Variants in OR2A25 observed in about 807,000 individuals in gnomAD.
OR2A25 encodes olfactory receptor 2A25.
For synonymous variants in OR2A25, 162 were observed against 148.1 expected, an observed-to-expected ratio of 1.09 and a Z score of -0.68; for missense variants, 362 against 368.3, an observed-to-expected ratio of 0.98 and a Z score of 0.14.
chr7:144,075,326 A>C lies in OR2A25; in HGVS notation c.*174A>C. The C allele has an allele frequency of 1.8e-6, 1 of 568,886 alleles. No individual in the cohort carries two copies. The highest frequency in any genetic ancestry group is 2.4e-5 in the South Asian group (1 of 41,282). The allele number at this position is 568,886 out of a possible 1,614,324, so 35.2% of individuals were successfully genotyped here. A position where few individuals can be genotyped will look rare whatever the true frequency, so the allele number is the denominator to read the frequency against. On this transcript the variant is annotated 3_prime_UTR_variant, in exon 2 of 2. Coordinates refer to ENST00000641663, the MANE Select transcript of OR2A25 (RefSeq NM_001386096.1). Reference sequence around the variant, plus strand: ...TCTGCTTTCCTCTCTCCAGCATTGAAGGTCGGAGCTGCACAATTAATAAAA... The same window carrying C: ...TCTGCTTTCCTCTCTCCAGCATTGACGGTCGGAGCTGCACAATTAATAAAA...
chr7:144,075,369 G>C lies in OR2A25; in HGVS notation c.*217G>C. On this transcript the variant is annotated 3_prime_UTR_variant, in exon 2 of 2. Coordinates refer to ENST00000641663, the MANE Select transcript of OR2A25 (RefSeq NM_001386096.1). ...TAATAAAAATATGTTTATACTAGCT[G>C]TATAGTGTACACACTTTTAATATAA... 2.2e-6 allele frequency: 1 copy of C among 457,500 alleles called. No homozygotes were observed. The highest frequency in any genetic ancestry group is 3.5e-5 in the South Asian group (1 of 28,200). 28.3% of individuals were successfully genotyped at this position (457,500 alleles called of 1,614,324 possible).
At chr7:144,070,061 T>C (rs1259513191) in intron 1 of OR2A25, among the ~76,000 whole-genome samples, 165 bp downstream of exon 1, 1 of 152,072 alleles carries the variant, frequency 6.6e-6, no homozygotes, top group African/African-American at 2.4e-5. Flanking sequence ...GACATCAACA[T>C]CCTTCCAGAG....
rs2051052769 is a variant in OR2A25 at position 144,069,866 on chromosome 7, T to C, written c.-35T>C. 1 of 152,152 alleles carries C rather than the reference T, an allele frequency of 6.6e-6. No homozygotes were observed. The highest frequency in any genetic ancestry group is 2.4e-5 in the African/African-American group (1 of 41,462). The allele number at this position is 152,152 out of a possible 1,614,324, so 9.4% of individuals were successfully genotyped here. A position where few individuals can be genotyped will look rare whatever the true frequency, so the allele number is the denominator to read the frequency against. On this transcript the variant is annotated 5_prime_UTR_variant, in exon 1 of 2. Coordinates refer to ENST00000641663, the MANE Select transcript of OR2A25 (RefSeq NM_001386096.1). ...AGGTTGAATCTATATGAGTTCCACC[T>C]GCCCTAAAAACAAGTGAATCTATTT...
rs2051092364 is a variant in OR2A25, at chr7:144,074,439, T to G, written c.220T>G (p.Cys74Gly). The G allele has an allele frequency of 4.3e-6, 7 of 1,614,224 alleles. No individual in the cohort carries two copies. Among genetic ancestry groups the G allele is most frequent in the Non-Finnish European group, 5.9e-6 (7 of 1,180,044 alleles). ...HLAVVDIACA[C>G]STVPQMLVNL... The stretch of plus-strand genomic sequence containing the variant: ...GGCGGTCGTCGACATCGCCTGTGCT[T>G]GCAGCACGGTGCCCCAGATGCTGGT... Residue 74 changes from cysteine to glycine, a missense_variant, in exon 2 of 2, where the codon TGC becomes GGC. By Grantham distance (159) the Cys-to-Gly change is radical. Coordinates refer to ENST00000641663, the MANE Select transcript of OR2A25 (RefSeq NM_001386096.1).
chr7:144,074,545 C>G lies in OR2A25; in HGVS notation c.326C>G (p.Thr109Arg). ...QMFLFLSFAHTECLLLVVMSY... is the reference protein window; with the variant it reads ...QMFLFLSFAHRECLLLVVMSY... ...TTTCTGTTTTTGAGTTTTGCACATA[C>G]AGAATGTCTCCTCCTGGTGGTGATG... Residue 109 changes from threonine (T) to arginine (R), a missense_variant, in exon 2 of 2, where the codon ACA (threonine) becomes AGA (arginine). Physicochemically the swap from Thr to Arg is moderately conservative, Grantham distance 71 (BLOSUM62 -1). Transcript: ENST00000641663. 6.2e-7 allele frequency: 1 copy of G among 1,614,226 alleles called. No homozygotes were observed. Among genetic ancestry groups the G allele is most frequent in the Non-Finnish European group, 8.5e-7 (1 of 1,180,044 alleles).
At chr7:144,071,290 GGCTTA>G (rs2051064865) in intron 1 of OR2A25, among the ~76,000 whole-genome samples, 1 of 151,898 alleles carries the variant, frequency 6.6e-6, no homozygotes, top group South Asian at 2.1e-4. Flanking sequence ...TTCTGTGCCT[GGCTTA>G]TTTAATTTAA....
chr7:144,074,644 C>T lies in OR2A25; in HGVS notation c.425C>T (p.Thr142Ile). 6.2e-7 allele frequency: 1 copy of T among 1,614,230 alleles called. No individual in the cohort carries two copies. Among genetic ancestry groups the T allele is most frequent in the Admixed American group, 1.7e-5 (1 of 60,034 alleles). Residue 142 changes from threonine (T) to isoleucine (I), a missense_variant, in exon 2 of 2, where the codon ACT becomes ATT. Transcript: ENST00000641663. The part of the protein sequence containing the change: ...STIMTWKVCI[T>I]LALTSWILGV... The stretch of plus-strand genomic sequence containing the variant: ...ATCATGACCTGGAAAGTCTGCATCA[C>T]TTTGGCATTGACTTCCTGGATTTTA...
chr7:144,071,125 A>T (rs991721955), intron 1 of OR2A25, among the ~76,000 whole-genome samples: 1 of 150,710 alleles, frequency 6.6e-6, no homozygotes, highest in African/African-American at 2.4e-5. Context: ...ATTCTTTTTA[A>T]TTTTTTTGTA....
In OR2A25 at chr7:144,075,035, T is replaced by A; in HGVS notation, c.816T>A (p.Tyr272Ter). ...AGAGCCCCAAGGAGCAGAAGAAATA[T>A]CTCCTGCTGTTTCACAGCCTCTTCA... ...QYESPKEQKK[Y>*]LLLFHSLFNP... The change falls in exon 2 of 2, where the codon TAT becomes TAA. Residue 272 changes from tyrosine (Y) to a stop codon, truncating the protein, a stop_gained. Transcript: ENST00000641663. LOFTEE classifies it low-confidence loss of function (END_TRUNC). The A allele has an allele frequency of 6.2e-7, 1 of 1,614,124 alleles. No homozygotes were observed. The highest frequency in any genetic ancestry group is 8.5e-7 in the Non-Finnish European group (1 of 1,180,006).
At chr7:144,073,010 T>G (rs2051078582) in intron 1 of OR2A25, among the ~76,000 whole-genome samples, 1 of 152,140 alleles carries the variant, frequency 6.6e-6, no homozygotes, top group African/African-American at 2.4e-5. Flanking sequence ...TATTGTATGT[T>G]TTCACTTATA....
chr7:144,069,975 A>G (rs1445835967), intron 1 of OR2A25, 79 bp downstream of exon 1: 1 of 152,140 alleles, frequency 6.6e-6, no homozygotes, highest in Non-Finnish European at 1.5e-5. Context: ...GAGGTCCTGG[A>G]AGTAATTGTA....
intron 1 of OR2A25, among the ~76,000 whole-genome samples, chr7:144,073,448 A>G (rs550428975): frequency 6.6e-6 from 1 of 151,924 alleles, no homozygotes; most frequent in East Asian, 1.9e-4. Context: ...TAATATAAAT[A>G]CACATTTATA....
At position 144,074,555 on chromosome 7, in the gene OR2A25, C is replaced by T; in HGVS notation, c.336C>T (p.Leu112=). The T allele has an allele frequency of 6.2e-7, 1 of 1,614,232 alleles. No individual in the cohort carries two copies. The highest frequency in any genetic ancestry group is 8.5e-7 in the Non-Finnish European group (1 of 1,180,052). ...LFLSFAHTEC[L]LLVVMSYDRY... is the part of the protein sequence containing the mutation. ...TGAGTTTTGCACATACAGAATGTCT[C>T]CTCCTGGTGGTGATGTCCTATGATC... The change falls in exon 2 of 2, where the codon CTC becomes CTT. Residue 112 remains leucine, a synonymous_variant. Coordinates refer to ENST00000641663, the MANE Select transcript of OR2A25 (RefSeq NM_001386096.1).
rs558386219 is a variant in OR2A25, at chr7:144,075,288, C to T, written c.*136C>T. ...TTGAAATTTTCCTATGACTACCTCC[C>T]GAGAAAGCCCATTCTGCTTTCCTCT... On this transcript the variant is annotated 3_prime_UTR_variant, in exon 2 of 2. Coordinates refer to ENST00000641663, the MANE Select transcript of OR2A25 (RefSeq NM_001386096.1). 4.6e-6 allele frequency: 3 copies of T among 649,934 alleles called. No homozygotes were observed. The highest frequency in any genetic ancestry group is 2.7e-6 in the Non-Finnish European group (1 of 376,904). 40.3% of individuals were successfully genotyped at this position (649,934 alleles called of 1,614,324 possible). A position where few individuals can be genotyped will look rare whatever the true frequency, so the allele number is the denominator to read the frequency against.
At position 144,075,431 on chromosome 7, in the gene OR2A25, T is replaced by A; in HGVS notation, c.*279T>A. 1 of 250,302 alleles carries A rather than the reference T, an allele frequency of 4.0e-6. No individual in the cohort carries two copies. Among genetic ancestry groups the A allele is most frequent in the Non-Finnish European group, 7.6e-6 (1 of 130,980 alleles). The allele number at this position is 250,302 out of a possible 1,614,324, so 15.5% of individuals were successfully genotyped here. ...ATTCTGAAAGTTGGAAATAAATGTG[T>A]ATCTTTTTGTTCTGTAAATAAGACT... On this transcript the variant is annotated 3_prime_UTR_variant, in exon 2 of 2. Coordinates refer to ENST00000641663, the MANE Select transcript of OR2A25 (RefSeq NM_001386096.1).
rs200968435 is a variant in OR2A25, at chr7:144,074,416, C to T, written c.197C>T (p.Ala66Val). The change falls in exon 2 of 2, where the codon GCG becomes GTG. Residue 66 changes from alanine to valine, a missense_variant. Coordinates refer to ENST00000641663, the MANE Select transcript of OR2A25 (RefSeq NM_001386096.1). ...TPMYFFLSHL[A>V]VVDIACACST... is the part of the protein sequence containing the mutation. ...ATGTACTTCTTCCTCTCACACCTGG[C>T]GGTCGTCGACATCGCCTGTGCTTGC... The T allele has an allele frequency of 6.6e-5, 106 of 1,614,182 alleles. No individual in the cohort carries two copies. In the African/African-American group the frequency reaches 1.1e-3, roughly 16 times the overall value.
Position 144,075,065 on chromosome 7 carries a change from C to T in OR2A25, c.846C>T (p.Pro282=), listed in dbSNP as rs1025560415. 1 of 1,613,972 alleles carries T rather than the reference C, an allele frequency of 6.2e-7. No homozygotes were observed. Among genetic ancestry groups the T allele is most frequent in the African/African-American group, 1.3e-5 (1 of 74,892 alleles). ...YLLLFHSLFN[P]MLNPLIYSLR... is the part of the protein sequence containing the mutation. ...TGCTGTTTCACAGCCTCTTCAATCC[C>T]ATGCTTAATCCCCTAATTTATAGTC... Residue 282 remains proline (P), a synonymous_variant, in exon 2 of 2, where the codon CCC becomes CCT. Transcript: ENST00000641663.
At chr7:144,071,716 G>A (rs77550132) in intron 1 of OR2A25, among the ~76,000 whole-genome samples, 2,091 of 152,186 alleles carry the variant, frequency 0.014, 53 homozygotes, top group African/African-American at 0.048. Flanking sequence ...GGAGATGGGG[G>A]AAGATGAGAT....
At chr7:144,073,823 C>G (rs1300441223) in intron 1 of OR2A25, among the ~76,000 whole-genome samples, 1 of 152,122 alleles carries the variant, frequency 6.6e-6, no homozygotes, top group African/African-American at 2.4e-5. Flanking sequence ...GACATAGACA[C>G]CAGCACACTT....
Sources: gnomAD v4.1 joint callset for allele counts (sites outside exome capture counted in the v4.1 genomes callset) on GRCh38, gnomAD v4.1.1 for gene constraint, MANE v1.5 for transcripts, NCBI Gene and HGNC (gene_info 2026-07-23, HGNC 2026-07-21) for gene names.